L3MBTL3: variants seen among roughly 807,000 people sequenced by gnomAD.
L3MBTL3 encodes L3MBTL histone methyl-lysine binding protein 3.
L3MBTL3 carries 27 observed loss-of-function variants against 102.3 expected under a neutral mutation model. The observed-to-expected ratio is 0.26, with a 90% CI of 0.19 to 0.36. The LOEUF is 0.36. L3MBTL3 is among the 10% of genes least tolerant of loss of function. The probability of loss-of-function intolerance (pLI) is 1.00; values close to 1 mark genes in which losing one functional copy is unlikely to be tolerated. For synonymous variants in L3MBTL3, 340 were observed against 320.9 expected, an observed-to-expected ratio of 1.06 and a Z score of -0.64; for missense variants, 798 against 955.3, an observed-to-expected ratio of 0.84 and a Z score of 2.17.
chr6:130,101,250 A>G (rs1008990677), intron 18 of L3MBTL3, among the ~76,000 whole-genome samples: 18 of 152,164 alleles, frequency 1.2e-4, no homozygotes, highest in African/African-American at 4.3e-4. Flanking sequence ...AGTTGTGTTT[A>G]TCTTTTGGGA....
intron 16 of L3MBTL3, among the ~76,000 whole-genome samples, chr6:130,089,215 C>A (rs1407974914): frequency 6.6e-6 from 1 of 151,562 alleles, no homozygotes; most frequent in African/African-American, 2.4e-5. Context: ...ATCCCTCCCC[C>A]TGCCCCCCAC....
rs548858361 is a variant in L3MBTL3, at chr6:130,056,897, C to A, written c.668-509C>A. Among the ~76,000 whole-genome samples, 6 of 152,268 alleles carry A rather than the reference C, an allele frequency of 3.9e-5. No individual in the cohort carries two copies. In the East Asian group the frequency reaches 9.6e-4, roughly 24 times the overall value. The stretch of plus-strand genomic sequence containing the variant: ...TTTTTCCTTCATTTCCAGTATTTGT[C>A]AAATTAATCCAAAATATATAAAACT... On this transcript the variant is annotated intron_variant, in intron 8 of 22. Coordinates refer to ENST00000361794, the MANE Select transcript of L3MBTL3 (RefSeq NM_032438.4).
At chr6:130,116,610 A>G (rs2115454961) in intron 19 of L3MBTL3, among the ~76,000 whole-genome samples, 2 of 152,046 alleles carry the variant, frequency 1.3e-5, no homozygotes, top group East Asian at 3.9e-4. Flanking sequence ...AAAATTAGCC[A>G]GGCATGGTAG....
At position 130,107,747 on chromosome 6, in the gene L3MBTL3, T is replaced by C. The variant is rs58902649; in HGVS notation, c.1886+3172T>C. ...GTACTGTCTTAGTTATAGTTTAAGGTACATAAACCAGTGAGAGACACTAAA... is the reference window on the plus strand; with the variant it reads ...GTACTGTCTTAGTTATAGTTTAAGGCACATAAACCAGTGAGAGACACTAAA... On this transcript the variant is annotated intron_variant, in intron 19 of 22. Coordinates refer to ENST00000361794, the MANE Select transcript of L3MBTL3 (RefSeq NM_032438.4). Among the ~76,000 whole-genome samples the C allele has an allele frequency of 4.7e-3, 723 of 152,322 alleles. 5 individuals carry two copies. The highest frequency in any genetic ancestry group is 0.015 in the African/African-American group (635 of 41,558).
At chr6:130,115,279 C>T (rs770897361) in intron 19 of L3MBTL3, among the ~76,000 whole-genome samples, 21 of 152,212 alleles carry the variant, frequency 1.4e-4, no homozygotes, top group Non-Finnish European at 2.5e-4. Flanking sequence ...CTTGAGCTGC[C>T]GCAAGGTAGC....
At chr6:130,094,148 TA>T in intron 17 of L3MBTL3, 116 bp from the exon 18 acceptor site, 1 of 621,272 alleles carries the variant, frequency 1.6e-6, no homozygotes, top group South Asian at 2.8e-5. Context: ...GTATGTTGGT[TA>T]AAAAATTGGA....
intron 3 of L3MBTL3, among the ~76,000 whole-genome samples, chr6:130,046,805 TG>T (rs2114732163): frequency 6.6e-6 from 1 of 152,338 alleles, no homozygotes; most frequent in Non-Finnish European, 1.5e-5. Flanking sequence ...CAAAACCATT[TG>T]TAAAAGCATC....
chr6:130,062,302 C>T (rs765953913), intron 10 of L3MBTL3, among the ~76,000 whole-genome samples: 1 of 152,050 alleles, frequency 6.6e-6, no homozygotes, highest in Non-Finnish European at 1.5e-5. Context: ...TGACTGTGTG[C>T]CTTCCAGATG....
intron 7 of L3MBTL3, 90 bp downstream of exon 7, chr6:130,053,081 G>GT: frequency 1.0e-6 from 1 of 983,788 alleles, no homozygotes; most frequent in Non-Finnish European, 1.6e-6. Flanking sequence ...AGCCCACTGA[G>GT]TTCAAATGTG....
At position 130,133,312 on chromosome 6, in the gene L3MBTL3, C is replaced by T. The variant is rs1345633827; in HGVS notation, c.1967-140C>T. On this transcript the variant is annotated intron_variant, in intron 20 of 22. Coordinates refer to ENST00000361794, the MANE Select transcript of L3MBTL3 (RefSeq NM_032438.4). This position sits in a 1 kb window ranked among gnomAD's most constrained non-coding sequence, Gnocchi z 4.9. ...GACCTTCAGTAAAGACAAAGAAGAG[C>T]CTATTCAATAGTATAATGCTGAAAG... The T allele has an allele frequency of 2.9e-6, 2 of 696,384 alleles. No homozygotes were observed. Among genetic ancestry groups the T allele is most frequent in the Non-Finnish European group, 4.7e-6 (2 of 422,472 alleles). 43.1% of individuals were successfully genotyped at this position (696,384 alleles called of 1,614,324 possible). A position where few individuals can be genotyped will look rare whatever the true frequency, so the allele number is the denominator to read the frequency against.
intron 15 of L3MBTL3, 121 bp downstream of exon 15, chr6:130,083,826 TA>T: frequency 2.2e-6 from 1 of 459,828 alleles, no homozygotes; most frequent in Non-Finnish European, 3.9e-6. Flanking sequence ...GAGCACCAAA[TA>T]AGATGTTTTT....
At chr6:130,111,444 C>G (rs934490282) in intron 19 of L3MBTL3, among the ~76,000 whole-genome samples, 2 of 152,178 alleles carry the variant, frequency 1.3e-5, no homozygotes, top group East Asian at 3.9e-4. Flanking sequence ...TGCAGGAAAT[C>G]AGCGCAGGTG....
Position 130,140,494 on chromosome 6 carries a change from G to T in L3MBTL3, c.*741G>T, listed in dbSNP as rs545277363. The T allele has an allele frequency of 6.6e-6, 1 of 152,436 alleles. No homozygotes were observed. Among genetic ancestry groups the T allele is most frequent in the Non-Finnish European group, 1.5e-5 (1 of 68,040 alleles). The allele number at this position is 152,436 out of a possible 1,614,324, so 9.4% of individuals were successfully genotyped here. On this transcript the variant is annotated 3_prime_UTR_variant, in exon 23 of 23. Transcript: ENST00000361794. ...AAATATATAAACATAAATAAATTAG[G>T]TAGTGTATTTTGAGTGGCATCAGTC... is the stretch of plus-strand genomic sequence containing the variant.
intron 20 of L3MBTL3, among the ~76,000 whole-genome samples, chr6:130,125,017 C>A (rs1786500384): frequency 1.3e-5 from 2 of 151,902 alleles, no homozygotes; most frequent in South Asian, 4.2e-4. Context: ...ATTTGGTAAC[C>A]AACATGGCAC....
At chr6:130,139,484 A>G (rs1788080203) in intron 22 of L3MBTL3, 126 bp from the exon 23 acceptor site, 1 of 812,608 alleles carries the variant, frequency 1.2e-6, no homozygotes, top group Non-Finnish European at 2.0e-6. Flanking sequence ...GTCATTGCAC[A>G]CGTGAACTTC....
chr6:130,066,493 T>C lies in L3MBTL3; in HGVS notation c.1000+5T>C. 1 of 1,605,656 alleles carries C rather than the reference T, an allele frequency of 6.2e-7. No homozygotes were observed. Among genetic ancestry groups the C allele is most frequent in the Non-Finnish European group, 8.5e-7 (1 of 1,176,562 alleles). On this transcript the variant is annotated splice_donor_5th_base_variant and intron_variant, in intron 11 of 22. Transcript: ENST00000361794. ...ACAAACTCCATCCTCCAAAAGGTTT[T>C]GTCACTTTTTGTTTGATATTTTAAA... is the stretch of plus-strand genomic sequence containing the variant.
intron 19 of L3MBTL3, among the ~76,000 whole-genome samples, chr6:130,118,156 A>G (rs549673051): frequency 1.3e-5 from 2 of 152,296 alleles, no homozygotes; most frequent in East Asian, 3.8e-4. Flanking sequence ...ATCATACTTT[A>G]TTTTAGAAAA....
intron 18 of L3MBTL3, among the ~76,000 whole-genome samples, chr6:130,104,206 T>C (rs1452411148): frequency 6.6e-6 from 1 of 152,208 alleles, no homozygotes; most frequent in Admixed American, 6.5e-5. Flanking sequence ...ACAGATTCCT[T>C]CTTAAAGTCT....
At chr6:130,112,679 G>A (rs186235021) in intron 19 of L3MBTL3, among the ~76,000 whole-genome samples, 1 of 152,136 alleles carries the variant, frequency 6.6e-6, no homozygotes, top group East Asian at 1.9e-4. Flanking sequence ...AGGATTCAGG[G>A]CATCCTCATC....
Sources: gnomAD v4.1 joint callset for allele counts (sites outside exome capture counted in the v4.1 genomes callset) on GRCh38, gnomAD v4.1.1 for gene constraint, Gnocchi (gnomAD v3.1) non-coding constraint, MANE v1.5 for transcripts, NCBI Gene and HGNC (gene_info 2026-07-23, HGNC 2026-07-21) for gene names.